Variants in L3MBTL1 observed in about 807,000 individuals in gnomAD.
L3MBTL1 encodes the protein lethal(3)malignant brain tumor-like protein 1.
L3MBTL1 carries 75 observed loss-of-function variants against 105.3 expected under a neutral mutation model. That is an observed-to-expected ratio of 0.71 (90% CI 0.59 to 0.86). The LOEUF is 0.86. L3MBTL1 is among the 40% of genes least tolerant of loss of function. The pLI is 0.00. For missense variants in L3MBTL1, 1,069 were observed against 1,126.4 expected (o/e 0.95, Z 0.73); for synonymous variants, 452 against 436.2 (o/e 1.04, Z -0.45).
At chr20:43,525,440 G>A (rs942620634) in intron 7 of L3MBTL1, among the ~76,000 whole-genome samples, 5 of 152,152 alleles carry the variant, frequency 3.3e-5, no homozygotes, top group African/African-American at 1.2e-4. Context: ...ATTAGAAAAG[G>A]GCAACCTTTC....
chr20:43,533,943 T>C (rs925831340), intron 13 of L3MBTL1, 65 bp from the exon 14 acceptor site: 2 of 1,142,170 alleles, frequency 1.8e-6, no homozygotes, highest in East Asian at 2.3e-5. Flanking sequence ...CTGGTCCTGC[T>C]TGGGGGCAGA....
rs763952190 is a variant in L3MBTL1, at chr20:43,514,725, G to A, written c.451G>A (p.Glu151Lys). 1.9e-6 allele frequency: 3 copies of A among 1,576,994 alleles called. No individual in the cohort carries two copies. Among genetic ancestry groups the A allele is most frequent in the Non-Finnish European group, 1.7e-6 (2 of 1,161,564 alleles). ...ELRQEGVTEY[E>K]DGGAPAGDGE... ...GCGGCAGGAAGGCGTGACCGAATAC[G>A]AAGATGGCGGGGCCCCGGCGGGAGA... is the stretch of plus-strand genomic sequence containing the variant. The change falls in exon 4 of 22, where the codon GAA becomes AAA. Residue 151 changes from glutamate to lysine, a missense_variant. Physicochemically the swap from Glu to Lys is moderately conservative, Grantham distance 56. Transcript: ENST00000418998.
At chr20:43,517,505 G>T (rs1411992240) in intron 7 of L3MBTL1, among the ~76,000 whole-genome samples, 1 of 152,086 alleles carries the variant, frequency 6.6e-6, no homozygotes, top group Non-Finnish European at 1.5e-5. Flanking sequence ...TGGGCTCAAG[G>T]GATCCTCCTG....
intron 1 of L3MBTL1, among the ~76,000 whole-genome samples, chr20:43,509,681 C>T (rs1001724870): frequency 4.6e-5 from 7 of 152,172 alleles, no homozygotes; most frequent in Admixed American, 1.3e-4. Flanking sequence ...GGTGGTGACA[C>T]CTACTTGGTC....
intron 1 of L3MBTL1, among the ~76,000 whole-genome samples, chr20:43,509,761 A>G (rs544574494): frequency 2.0e-5 from 3 of 152,360 alleles, no homozygotes; most frequent in African/African-American, 7.2e-5. Flanking sequence ...AGCTTCTTCA[A>G]TAGACCTGAG....
At chr20:43,523,343 G>A (rs2018836287) in intron 7 of L3MBTL1, 2 of 219,096 alleles carry the variant, frequency 9.1e-6, no homozygotes, top group South Asian at 1.6e-4. Context: ...TTCCAGAGTG[G>A]TAGAATCTCA....
chr20:43,523,201 G>A lies in L3MBTL1; in HGVS notation c.863-5456G>A, dbSNP rs372709881. 5 of 153,246 alleles carry A rather than the reference G, an allele frequency of 3.3e-5. 1 individual carries two copies. Among genetic ancestry groups the A allele is most frequent in the Admixed American group, 1.3e-4 (2 of 15,322 alleles). The allele number at this position is 153,246 out of a possible 1,614,324, so 9.5% of individuals were successfully genotyped here. ...AATACCTTGAAAATAGTGGAAGTTT[G>A]AAGATTTTTAATTCTTAAAGAGTCC... On this transcript the variant is annotated intron_variant, in intron 7 of 21. Transcript: ENST00000418998.
intron 7 of L3MBTL1, among the ~76,000 whole-genome samples, chr20:43,522,247 C>G (rs2145414233): frequency 6.6e-6 from 1 of 152,070 alleles, no homozygotes; most frequent in East Asian, 2.0e-4. Flanking sequence ...CCCAGCTACT[C>G]AGGAGGCTAA....
chr20:43,540,780 G>C lies in L3MBTL1; in HGVS notation c.2359G>C (p.Gly787Arg). 2 of 1,614,230 alleles carry C rather than the reference G, an allele frequency of 1.2e-6. No individual in the cohort carries two copies. The highest frequency in any genetic ancestry group is 4.5e-5 in the East Asian group (2 of 44,886). ...EVFGFVQTLT[G>R]CEDQARLFKD... Reference sequence around the variant, plus strand: ...CTTCGGCTTTGTTCAGACCCTGACAGGTTGTGAGGACCAAGCACGCCTCTT... The same window carrying C: ...CTTCGGCTTTGTTCAGACCCTGACACGTTGTGAGGACCAAGCACGCCTCTT... Residue 787 changes from glycine to arginine, a missense_variant, in exon 21 of 22, where the codon GGT becomes CGT. Gly to Arg is a moderately radical substitution (Grantham distance 125). Transcript: ENST00000418998.
intron 7 of L3MBTL1, among the ~76,000 whole-genome samples, chr20:43,521,765 C>A (rs2018717307): frequency 1.3e-5 from 2 of 152,142 alleles, no homozygotes; most frequent in Non-Finnish European, 2.9e-5. Flanking sequence ...GTTGCCCAGA[C>A]TGGCCTTAAA....
intron 2 of L3MBTL1, 78 bp downstream of exon 2, chr20:43,513,717 G>C (rs954853646): frequency 6.0e-5 from 93 of 1,544,620 alleles, no homozygotes; most frequent in Non-Finnish European, 8.1e-5. Flanking sequence ...TCCTGGAGAG[G>C]GGATGACCGT....
intron 1 of L3MBTL1, among the ~76,000 whole-genome samples, chr20:43,509,218 T>TCCTCC (rs1018265947): frequency 1.3e-5 from 2 of 151,926 alleles, no homozygotes; most frequent in South Asian, 4.1e-4. Context: ...CTTCCTTCCT[T>TCCTCC]CCTCCCCTCC....
At chr20:43,547,346 C>T (rs962572369) in intron 18 of L3MBTL1, among the ~76,000 whole-genome samples, 7 of 152,028 alleles carry the variant, frequency 4.6e-5, no homozygotes, top group Non-Finnish European at 7.4e-5. Context: ...CCTCATGATC[C>T]GCCCGCCTCT....
intron 19 of L3MBTL1, among the ~76,000 whole-genome samples, chr20:43,538,576 A>G (rs2019749981): frequency 6.6e-6 from 1 of 152,104 alleles, no homozygotes; most frequent in Non-Finnish European, 1.5e-5. Flanking sequence ...CTGGTGAACA[A>G]TTCCATAGGA....
chr20:43,535,385 T>G (rs955689979), intron 16 of L3MBTL1, among the ~76,000 whole-genome samples: 2 of 152,206 alleles, frequency 1.3e-5, no homozygotes, highest in African/African-American at 2.4e-5. Context: ...CCTTCCTTAT[T>G]TCCCTGCTGC....
intron 6 of L3MBTL1, 115 bp from the exon 7 acceptor site, chr20:43,515,978 T>A (rs983014843): frequency 6.9e-6 from 5 of 726,206 alleles, no homozygotes; most frequent in Non-Finnish European, 1.2e-5. Flanking sequence ...AAATTCTGCC[T>A]GTTTGGGGCA....
intron 7 of L3MBTL1, among the ~76,000 whole-genome samples, chr20:43,521,892 C>T (rs1454370313): frequency 1.3e-5 from 2 of 152,072 alleles, no homozygotes; most frequent in East Asian, 1.9e-4. Context: ...TTCACTGATA[C>T]TCCATTTAAC....
At position 43,536,145 on chromosome 20, in the gene L3MBTL1, G is replaced by A. The variant is rs1305256533; in HGVS notation, c.1974G>A (p.Lys658=). ...ACGGCTCTGGCCATGTCACAGGCAA[G>A]TTCACAGCTCACCATTGCCTCTCAG... ...GCDGSGHVTG[K]FTAHHCLSGC... Residue 658 remains lysine (K), a synonymous_variant, in exon 18 of 22, where the codon AAG becomes AAA. Transcript: ENST00000418998. 6.2e-7 allele frequency: 1 copy of A among 1,613,798 alleles called. No individual in the cohort carries two copies. Among genetic ancestry groups the A allele is most frequent in the Non-Finnish European group, 8.5e-7 (1 of 1,180,044 alleles).
intron 12 of L3MBTL1, 103 bp downstream of exon 12, chr20:43,533,027 A>G: frequency 2.6e-6 from 3 of 1,143,532 alleles, no homozygotes; most frequent in Non-Finnish European, 3.8e-6. Context: ...TCCAGTTCTG[A>G]CATTCAGATC....
Sources: allele counts gnomAD v4.1 joint callset (sites outside exome capture counted in the v4.1 genomes callset), GRCh38; gene constraint gnomAD v4.1.1; transcripts MANE v1.5; gene names NCBI Gene and HGNC (gene_info 2026-07-23, HGNC 2026-07-21).